The following KCNB2 variants were observed in gnomAD, a reference collection of about 807,000 sequenced individuals.
KCNB2 encodes the protein potassium voltage-gated channel subfamily B member 2, also known as delayed rectifier potassium channel protein.
KCNB2 carries 15 observed loss-of-function variants against 61.5 expected under a neutral mutation model. That is an observed-to-expected ratio of 0.24 (90% CI 0.16 to 0.38). KCNB2 has a LOEUF of 0.38. Among genes scored for constraint, KCNB2 ranks in the 10% least tolerant of loss-of-function variants. KCNB2 has a pLI of 1.00. For synonymous variants in KCNB2, 457 were observed against 446.0 expected (o/e 1.02, Z -0.31); for missense variants, 828 against 1,125.2 (o/e 0.74, Z 3.78).
At chr8:72,555,855 C>G (rs1489267930) in intron 1 of KCNB2, among the ~76,000 whole-genome samples, 1 of 151,822 alleles carries the variant, frequency 6.6e-6, no homozygotes, top group East Asian at 1.9e-4. Context: ...GTGTGCTGCA[C>G]CCATTAACTC....
chr8:72,710,285 A>G (rs1364609568), intron 2 of KCNB2, among the ~76,000 whole-genome samples: 2 of 152,228 alleles, frequency 1.3e-5, no homozygotes, highest in East Asian at 3.8e-4. Context: ...TTCAAATCAC[A>G]TGCCAAAAGA....
chr8:72,594,245 A>G (rs1163594559), intron 2 of KCNB2, among the ~76,000 whole-genome samples: 1 of 152,188 alleles, frequency 6.6e-6, no homozygotes, highest in African/African-American at 2.4e-5. Flanking sequence ...TCAATTTCCA[A>G]AAAGTTAAAA....
intron 2 of KCNB2, among the ~76,000 whole-genome samples, chr8:72,922,163 G>A (rs1052243235): frequency 6.6e-6 from 1 of 152,136 alleles, no homozygotes; most frequent in Non-Finnish European, 1.5e-5. Flanking sequence ...CTGGCTTGTA[G>A]CAATACCACT....
At position 72,936,240 on chromosome 8, in the gene KCNB2, C is replaced by T. The variant is rs371461377; in HGVS notation, c.885C>T (p.Asn295=). 3.1e-6 allele frequency: 5 copies of T among 1,614,246 alleles called. No individual in the cohort carries two copies. The highest frequency in any genetic ancestry group is 1.1e-5 in the South Asian group (1 of 91,088). Residue 295 remains asparagine (N), a synonymous_variant, in exon 3 of 3, where the codon AAC becomes AAT. Coordinates refer to ENST00000523207, the MANE Select transcript of KCNB2 (RefSeq NM_004770.3). This position sits in a 1 kb window ranked among gnomAD's most constrained non-coding sequence, Gnocchi z 5.6. ...ACAAGAGCGTGCTGCAGTTCCAAAA[C>T]GTGAGGCGCGTGGTCCAGATCTTCC... ...ESNKSVLQFQ[N]VRRVVQIFRI...
intron 2 of KCNB2, among the ~76,000 whole-genome samples, chr8:72,648,244 T>G (rs994632287): frequency 1.3e-5 from 2 of 152,214 alleles, no homozygotes; most frequent in African/African-American, 4.8e-5. Flanking sequence ...AGTTTGATTT[T>G]AAGCTGTGCT....
chr8:72,882,520 TGA>T (rs147239924), intron 2 of KCNB2, among the ~76,000 whole-genome samples: 5,145 of 115,386 alleles, frequency 0.045, 124 homozygotes, highest in East Asian at 0.087. Flanking sequence ...TGCTGACAGT[TGA>T]GAGAGAGAGA....
intron 2 of KCNB2, among the ~76,000 whole-genome samples, chr8:72,670,725 C>G (rs1806549370): frequency 6.6e-6 from 1 of 152,168 alleles, no homozygotes; most frequent in Admixed American, 6.5e-5. Context: ...TCCAACCTGG[C>G]TTTAAGGTAT....
chr8:72,595,323 T>C (rs1398353053), intron 2 of KCNB2, among the ~76,000 whole-genome samples: 2 of 151,072 alleles, frequency 1.3e-5, no homozygotes, highest in Non-Finnish European at 2.9e-5. Context: ...TTTTCTTTTT[T>C]CTTTCTTTTT....
At chr8:72,842,555 T>G (rs1246393905) in intron 2 of KCNB2, among the ~76,000 whole-genome samples, 1 of 152,140 alleles carries the variant, frequency 6.6e-6, no homozygotes, top group Non-Finnish European at 1.5e-5. Flanking sequence ...CTGTGAATCT[T>G]CCTGGTCCTG....
intron 2 of KCNB2, among the ~76,000 whole-genome samples, chr8:72,782,498 A>G (rs1342721063): frequency 2.6e-5 from 4 of 151,906 alleles, no homozygotes; most frequent in African/African-American, 4.8e-5. Context: ...TTACCTACTG[A>G]GGTTAATAGA....
At chr8:72,618,221 A>G (rs1472884557) in intron 2 of KCNB2, among the ~76,000 whole-genome samples, 1 of 152,202 alleles carries the variant, frequency 6.6e-6, no homozygotes, top group African/African-American at 2.4e-5. Flanking sequence ...ATCCCAAATG[A>G]TTCAGGTTTC....
At chr8:72,851,826 G>GAAAAAAACAAAAAAAAAAAAAAA (rs1810116356) in intron 2 of KCNB2, among the ~76,000 whole-genome samples, 1 of 43,868 alleles carries the variant, frequency 2.3e-5, no homozygotes, top group Admixed American at 4.2e-4. Context: ...GAAGCTGTAG[G>GAAAAAAACAAAAAAAAAAAAAAA]AAAAAAAAAA....
intron 2 of KCNB2, among the ~76,000 whole-genome samples, chr8:72,705,482 C>T (rs548947982): frequency 1.3e-5 from 2 of 152,220 alleles, no homozygotes; most frequent in Non-Finnish European, 2.9e-5. Flanking sequence ...CTAGATCTCA[C>T]TCATGGAGAG....
At chr8:72,763,663 A>G (rs1429339443) in intron 2 of KCNB2, among the ~76,000 whole-genome samples, 1 of 152,232 alleles carries the variant, frequency 6.6e-6, no homozygotes, top group Non-Finnish European at 1.5e-5. Flanking sequence ...TAAAGCCAAT[A>G]GTTTCCATTG....
Position 72,561,775 on chromosome 8 carries a change from A to ACG in KCNB2, c.-93-5867_-93-5866insCG, listed in dbSNP as rs1554576160. ...TATATATATATGGATATATATATAT[A>ACG]TGGATATATATATACATATATATAT... On this transcript the variant is annotated intron_variant, in intron 1 of 2. Coordinates refer to ENST00000523207, the MANE Select transcript of KCNB2 (RefSeq NM_004770.3). Among the ~76,000 whole-genome samples, 9 of 27,412 alleles carry ACG rather than the reference A, an allele frequency of 3.3e-4. No individual in the cohort carries two copies. In the East Asian group the frequency reaches 5.2e-3, roughly 16 times the overall value. 18.0% of individuals were successfully genotyped at this position (27,412 alleles called of 152,430 possible).
chr8:72,901,292 A>T (rs1806089295), intron 2 of KCNB2, among the ~76,000 whole-genome samples: 1 of 152,220 alleles, frequency 6.6e-6, no homozygotes, highest in Non-Finnish European at 1.5e-5. Context: ...AATGTTGGGC[A>T]CATTTTAGCA....
At chr8:72,797,678 A>G (rs1167921234) in intron 2 of KCNB2, among the ~76,000 whole-genome samples, 1 of 152,244 alleles carries the variant, frequency 6.6e-6, no homozygotes, top group Non-Finnish European at 1.5e-5. Context: ...CCATGCTGAC[A>G]AAGCTTAGCT....
intron 2 of KCNB2, among the ~76,000 whole-genome samples, chr8:72,683,263 T>G (rs1440359): frequency 6.6e-6 from 1 of 152,064 alleles, no homozygotes; most frequent in Non-Finnish European, 1.5e-5. Flanking sequence ...CACTTTTTTT[T>G]CTATTCCCCT....
rs149936258 is a variant in KCNB2, at chr8:72,914,431, C to T, written c.580-21504C>T. On this transcript the variant is annotated intron_variant, in intron 2 of 2. Transcript: ENST00000523207. ...ACTTTGGATTCTCAGTTTAAACTTT[C>T]TAAATTTCCTAGCCATGCTTACTTA... Among the ~76,000 whole-genome samples the T allele has an allele frequency of 3.3e-4, 51 of 152,264 alleles. No homozygotes were observed. In the East Asian group the frequency reaches 9.3e-3, roughly 28 times the overall value.
Sources: allele counts gnomAD v4.1 joint callset (sites outside exome capture counted in the v4.1 genomes callset), GRCh38; gene constraint gnomAD v4.1.1; non-coding constraint Gnocchi (gnomAD v3.1); transcripts MANE v1.5; gene names NCBI Gene and HGNC (gene_info 2026-07-23, HGNC 2026-07-21).